TMC2: variants seen among roughly 807,000 people sequenced by gnomAD.
TMC2 encodes transmembrane channel like 2.
A neutral mutation model predicts 105.9 loss-of-function variants in TMC2; 102 were observed. The observed-to-expected ratio is 0.96, with a 90% confidence interval of 0.82 to 1.14. TMC2 has a LOEUF of 1.14. TMC2 is among the 50% of genes most tolerant of loss of function. The probability of loss-of-function intolerance (pLI) is 0.00; values close to 1 mark genes in which losing one functional copy is unlikely to be tolerated. For synonymous variants in TMC2, 402 were observed against 422.8 expected, an observed-to-expected ratio of 0.95 and a Z score of 0.60; for missense variants, 1,093 against 1,134.3, an observed-to-expected ratio of 0.96 and a Z score of 0.52.
intron 2 of TMC2, among the ~76,000 whole-genome samples, chr20:2,547,953 G>C (rs921299404): frequency 6.6e-6 from 1 of 152,020 alleles, no homozygotes; most frequent in African/African-American, 2.4e-5. Context: ...TTTACTTTAG[G>C]ACAAAACTAT....
In TMC2 at chr20:2,577,573, A is replaced by G. The variant is rs73570289; in HGVS notation, c.646-1573A>G. ...ATTCAATCAGGAGATGGTCAAAACTATATCTGGAAAACCAGGTCTGGAAGC... is the reference window on the plus strand; with the variant it reads ...ATTCAATCAGGAGATGGTCAAAACTGTATCTGGAAAACCAGGTCTGGAAGC... On this transcript the variant is annotated intron_variant, in intron 5 of 19. Transcript: ENST00000358864. Among the ~76,000 whole-genome samples the G allele has an allele frequency of 9.3e-3, 1,417 of 152,198 alleles. 25 individuals carry two copies. The highest frequency in any genetic ancestry group is 0.032 in the African/African-American group (1,326 of 41,516).
At chr20:2,570,327 CA>C (rs758227307) in intron 4 of TMC2, among the ~76,000 whole-genome samples, 11 of 151,728 alleles carry the variant, frequency 7.2e-5, no homozygotes, top group Non-Finnish European at 1.5e-4. Flanking sequence ...TACAAATGTA[CA>C]AAAATCAAGA....
chr20:2,591,256 G>A (rs931656640), intron 7 of TMC2, among the ~76,000 whole-genome samples: 3 of 151,642 alleles, frequency 2.0e-5, no homozygotes, highest in Non-Finnish European at 4.4e-5. Context: ...TTTTATTTGG[G>A]GAAATACCTT....
At chr20:2,538,248 G>A (rs1407345667) in intron 2 of TMC2, among the ~76,000 whole-genome samples, 1 of 152,154 alleles carries the variant, frequency 6.6e-6, no homozygotes, top group Non-Finnish European at 1.5e-5. Flanking sequence ...AGGAGGCAAG[G>A]AAGAGCTGGG....
chr20:2,537,033 T>C (rs1246055632), intron 1 of TMC2, among the ~76,000 whole-genome samples: 2 of 152,176 alleles, frequency 1.3e-5, no homozygotes, highest in African/African-American at 4.8e-5. Flanking sequence ...CAGATTTCTA[T>C]CTGTCTCTGT....
intron 7 of TMC2, among the ~76,000 whole-genome samples, chr20:2,584,673 T>C (rs1287614429): frequency 6.6e-6 from 1 of 152,144 alleles, no homozygotes; most frequent in Middle Eastern, 3.2e-3. Context: ...TATCTAAAGA[T>C]GTATCCCCTT....
In TMC2 at chr20:2,597,219, T is replaced by G. The variant is rs369652081; in HGVS notation, c.1145T>G (p.Met382Arg). Residue 382 changes from methionine (M) to arginine (R), a missense_variant, in exon 10 of 20, where the codon ATG (methionine) becomes AGG (arginine). Physicochemically the swap from Met to Arg is moderately conservative, Grantham distance 91. Coordinates refer to ENST00000358864, the MANE Select transcript of TMC2 (RefSeq NM_080751.3). The stretch of plus-strand genomic sequence containing the variant: ...GACAACTTCACATTCAGCTTCAAGA[T>G]GTTCACCAGCTGGGACTACCTGATC... ...ESDNFTFSFK[M>R]FTSWDYLIGN... 6.2e-7 allele frequency: 1 copy of G among 1,614,150 alleles called. No homozygotes were observed. Among genetic ancestry groups the G allele is most frequent in the Admixed American group, 1.7e-5 (1 of 60,022 alleles).
At position 2,642,421 on chromosome 20, in the gene TMC2, A is replaced by C. The variant is rs561409544; in HGVS notation, c.*1070A>C. Among the ~76,000 whole-genome samples, 1 of 152,286 alleles carries C rather than the reference A, an allele frequency of 6.6e-6. No individual in the cohort carries two copies. The highest frequency in any genetic ancestry group is 6.5e-5 in the Admixed American group (1 of 15,292). On this transcript the variant is annotated 3_prime_UTR_variant, in exon 20 of 20. Coordinates refer to ENST00000358864, the MANE Select transcript of TMC2 (RefSeq NM_080751.3). ...GCCCAGTGCCTCTTATCTTGGAAGG[A>C]AACCTGCCTTACCCAGGGCAGAAAA...
chr20:2,574,219 G>T (rs1185645458), intron 5 of TMC2, among the ~76,000 whole-genome samples: 1 of 151,934 alleles, frequency 6.6e-6, no homozygotes, highest in East Asian at 1.9e-4. Context: ...TTATTTCTGG[G>T]ATAACCTCAG....
chr20:2,623,922 G>T (rs187160525), intron 16 of TMC2, among the ~76,000 whole-genome samples: 35 of 152,286 alleles, frequency 2.3e-4, no homozygotes, highest in Admixed American at 1.8e-3. Flanking sequence ...ATGTTGGCCT[G>T]GTAGCTACAA....
At chr20:2,627,685 C>G (rs1427418859) in intron 17 of TMC2, among the ~76,000 whole-genome samples, 1 of 152,178 alleles carries the variant, frequency 6.6e-6, no homozygotes, top group Non-Finnish European at 1.5e-5. Context: ...TCTCCCATGT[C>G]TTAAACTACA....
Position 2,594,844 on chromosome 20 carries a change from C to T in TMC2, c.953C>T (p.Ala318Val). ...CCCCAGGGCTATATCAAGTACTCTG[C>T]ACTCTTCTATGGCTACTACAACAAC... ...WDFEGYIKYS[A>V]LFYGYYNNQR... Residue 318 changes from alanine to valine, a missense_variant, in exon 9 of 20, where the codon GCA becomes GTA. By Grantham distance (64) the Ala-to-Val change is moderately conservative. Coordinates refer to ENST00000358864, the MANE Select transcript of TMC2 (RefSeq NM_080751.3). 1.2e-6 allele frequency: 2 copies of T among 1,614,134 alleles called. No homozygotes were observed. Among genetic ancestry groups the T allele is most frequent in the Non-Finnish European group, 8.5e-7 (1 of 1,180,000 alleles).
At chr20:2,623,559 A>T (rs2086541387) in intron 16 of TMC2, among the ~76,000 whole-genome samples, 1 of 150,938 alleles carries the variant, frequency 6.6e-6, no homozygotes, top group South Asian at 2.1e-4. Flanking sequence ...AGACAGAGAG[A>T]GAGAGAATAA....
intron 1 of TMC2, among the ~76,000 whole-genome samples, chr20:2,536,917 A>C (rs2085853341): frequency 6.6e-6 from 1 of 152,190 alleles, no homozygotes; most frequent in South Asian, 2.1e-4. Flanking sequence ...TGTTCAGGCC[A>C]GCACTGGAGA....
intron 14 of TMC2, among the ~76,000 whole-genome samples, chr20:2,615,654 GAGA>G (rs1381000914): frequency 6.6e-6 from 1 of 152,368 alleles, no homozygotes; most frequent in South Asian, 2.1e-4. Flanking sequence ...GGAGGAAGAA[GAGA>G]AGGAGAAAGA....
At position 2,613,263 on chromosome 20, in the gene TMC2, C is replaced by CTGG. The variant is rs752954849; in HGVS notation, c.1813_1814insTGG (p.Arg605delinsLeuGly). ...CACCATCCTGCTGGGGGACTTCCTACGGGCTTGTTTTGTGCGGTTCATGAA... is the reference window on the plus strand; with the variant it reads ...CACCATCCTGCTGGGGGACTTCCTACTGGGGGCTTGTTTTGTGCGGTTCATGAA... On this transcript the variant is annotated protein_altering_variant, in exon 14 of 20. Transcript: ENST00000358864. 70 of 1,614,052 alleles carry CTGG rather than the reference C, an allele frequency of 4.3e-5. 2 individuals carry two copies. The South Asian group carries it at 4.7e-4, about 11-fold the overall frequency.
chr20:2,608,721 A>G (rs1009827655), intron 11 of TMC2, among the ~76,000 whole-genome samples: 2 of 151,322 alleles, frequency 1.3e-5, no homozygotes, highest in African/African-American at 4.9e-5. Context: ...TCTCTCACAC[A>G]CTCTCATCTC....
At position 2,599,502 on chromosome 20, in the gene TMC2, C is replaced by T. The variant is rs548392593; in HGVS notation, c.1224+2204C>T. Among the ~76,000 whole-genome samples, 3 of 149,964 alleles carry T rather than the reference C, an allele frequency of 2.0e-5. No homozygotes were observed. In the East Asian group the frequency reaches 5.9e-4, roughly 29 times the overall value. Reference sequence around the variant, plus strand: ...TACTTTGCCCCCGTGATTGTAAAAACCATTCCAAGTTCTTCGTTTTTTTTT... The same window carrying T: ...TACTTTGCCCCCGTGATTGTAAAAATCATTCCAAGTTCTTCGTTTTTTTTT... On this transcript the variant is annotated intron_variant, in intron 10 of 19. Transcript: ENST00000358864.
Position 2,585,794 on chromosome 20 carries a change from C to G in TMC2, c.834+5738C>G, listed in dbSNP as rs533395160. 5.3e-5 allele frequency among the ~76,000 whole-genome samples: 8 copies of G among 152,316 alleles called. No individual in the cohort carries two copies. The South Asian group carries it at 1.4e-3, about 28-fold the overall frequency. On this transcript the variant is annotated intron_variant, in intron 7 of 19. Coordinates refer to ENST00000358864, the MANE Select transcript of TMC2 (RefSeq NM_080751.3). ...CATAGGCAAGCTCATAAGGTGGCAG[C>G]TTTCTTCTCCCAGAAGGAGAGAATC... is the stretch of plus-strand genomic sequence containing the variant.
Sources: allele counts gnomAD v4.1 joint callset (sites outside exome capture counted in the v4.1 genomes callset), GRCh38; gene constraint gnomAD v4.1.1; transcripts MANE v1.5; gene names NCBI Gene and HGNC (gene_info 2026-07-23, HGNC 2026-07-21).